The following AMPD3 variants were observed in gnomAD, a reference collection of about 807,000 sequenced individuals.
AMPD3 encodes adenosine monophosphate deaminase 3, also known as AMP deaminase 3.
Under a neutral mutation model 82.3 loss-of-function variants are expected in AMPD3, and 57 were observed. The observed-to-expected ratio is 0.69, with a 90% CI of 0.56 to 0.86. The LOEUF is 0.86. Among genes scored for constraint, AMPD3 ranks in the 40% least tolerant of loss-of-function variants. The pLI is 0.00. For synonymous variants in AMPD3, 381 were observed against 394.7 expected (o/e 0.97, Z 0.41); for missense variants, 870 against 1,003.8 (o/e 0.87, Z 1.80).
At position 10,502,813 on chromosome 11, in the gene AMPD3, GA is replaced by G; in HGVS notation, c.1937del (p.Asn646ThrfsTer3). 6.2e-7 allele frequency: 1 copy of G among 1,614,142 alleles called. No individual in the cohort carries two copies. Among genetic ancestry groups the G allele is most frequent in the South Asian group, 1.1e-5 (1 of 91,074 alleles). On this transcript the variant is annotated frameshift_variant, in exon 13 of 15. Coordinates refer to ENST00000396553, the MANE Select transcript of AMPD3 (RefSeq NM_001025389.2). LOFTEE classifies it high-confidence loss of function. ...ACAGTTTGTTCCTCGAATATTCCAA[GA>G]ACCCTCTGAGGGAATTCCTACACAA... ...NNSLFLEYSKNPLREFLHKGL... is the reference protein window; with the variant it reads ...NNSLFLEYSKXPLREFLHKGL...
At chr11:10,466,266 A>G (rs963988761) in intron 2 of AMPD3, among the ~76,000 whole-genome samples, 1 of 146,044 alleles carries the variant, frequency 6.8e-6, no homozygotes, top group Non-Finnish European at 1.5e-5. Flanking sequence ...CGTCTCAAAG[A>G]AAAAAAAAAA....
chr11:10,477,446 C>T (rs1848773393), intron 2 of AMPD3, among the ~76,000 whole-genome samples: 1 of 152,102 alleles, frequency 6.6e-6, no homozygotes, highest in Admixed American at 6.5e-5. Context: ...GATGGCCTCA[C>T]CTTAATGCTG....
At chr11:10,453,042 C>T (rs143896421), upstream of AMPD3, among the ~76,000 whole-genome samples, 741 of 152,256 alleles carry the variant, frequency 4.9e-3, 4 homozygotes, top group East Asian at 0.041. Flanking sequence ...CTCCACCTCC[C>T]GGGTTCAAGC....
At chr11:10,487,404 C>T (rs377648078) in intron 6 of AMPD3, 40 bp downstream of exon 6, 36 of 1,611,748 alleles carry the variant, frequency 2.2e-5, no homozygotes, top group Non-Finnish European at 2.8e-5. Flanking sequence ...CTCACCCGGT[C>T]CCCCTCCCAG....
intron 2 of AMPD3, among the ~76,000 whole-genome samples, chr11:10,469,637 C>T (rs1848526334): frequency 6.6e-6 from 1 of 152,214 alleles, no homozygotes; most frequent in Non-Finnish European, 1.5e-5. Flanking sequence ...ACCATTCCTT[C>T]TGAAACTATT....
At chr11:10,505,678 A>G in intron 14 of AMPD3, 30 bp from the exon 15 acceptor site, 6 of 1,610,492 alleles carry the variant, frequency 3.7e-6, no homozygotes, top group Non-Finnish European at 2.5e-6. Flanking sequence ...AAAAGTATAT[A>G]GTTTCATTTG....
At chr11:10,485,295 G>T (rs574045674) in intron 5 of AMPD3, among the ~76,000 whole-genome samples, 8 of 152,222 alleles carry the variant, frequency 5.3e-5, no homozygotes, top group South Asian at 2.1e-4. Flanking sequence ...TGCCCAGGCT[G>T]GGGTGCAGTG....
At chr11:10,484,574 C>T (rs1849007644) in intron 4 of AMPD3, 2 of 897,328 alleles carry the variant, frequency 2.2e-6, no homozygotes, top group Non-Finnish European at 2.7e-6. Context: ...AAATTAAAGT[C>T]TCTGCCTGCA....
chr11:10,498,779 G>A (rs926507663), intron 10 of AMPD3, among the ~76,000 whole-genome samples: 5 of 152,220 alleles, frequency 3.3e-5, no homozygotes, highest in African/African-American at 1.2e-4. Context: ...GTGGATTAAG[G>A]GGGACAGTCT....
intron 6 of AMPD3, 61 bp downstream of exon 6, chr11:10,487,425 G>A: frequency 1.9e-6 from 3 of 1,609,166 alleles, no homozygotes; most frequent in South Asian, 1.1e-5. Context: ...CCCATGGGAT[G>A]CCCTGAGCCA....
upstream of AMPD3, chr11:10,451,015 C>T (rs746214559): frequency 1.3e-6 from 2 of 1,580,902 alleles, no homozygotes; most frequent in Admixed American, 3.4e-5. Context: ...CCCTTTCGGC[C>T]GGCGGCATGG....
chr11:10,464,571 G>A (rs148434974), intron 2 of AMPD3, among the ~76,000 whole-genome samples: 306 of 152,232 alleles, frequency 2.0e-3, no homozygotes, highest in African/African-American at 7.0e-3. Flanking sequence ...ATGAAATGGA[G>A]GGAAACTGGT....
intron 2 of AMPD3, among the ~76,000 whole-genome samples, chr11:10,475,913 G>T (rs570470625): frequency 6.6e-6 from 1 of 152,284 alleles, no homozygotes; most frequent in South Asian, 2.1e-4. Context: ...GAACTTGGAA[G>T]TGAATTCCTT....
At chr11:10,480,147 G>A (rs897050998) in intron 3 of AMPD3, among the ~76,000 whole-genome samples, 3 of 152,284 alleles carry the variant, frequency 2.0e-5, no homozygotes, top group African/African-American at 7.2e-5. Context: ...GTGTCTGTGA[G>A]AGGCAGGCTG....
intron 2 of AMPD3, among the ~76,000 whole-genome samples, chr11:10,473,035 C>T (rs910610398): frequency 2.2e-4 from 34 of 151,116 alleles, no homozygotes; most frequent in Middle Eastern, 3.5e-3. Flanking sequence ...ATTGGGAAGC[C>T]GAGGTGGGTG....
In AMPD3 at chr11:10,505,766, T is replaced by C. The variant is rs751685290; in HGVS notation, c.2186T>C (p.Ile729Thr). ...AAAGAAGGACCTGAAGGAAATGATA[T>C]TCGAAAGACAAATGTGGCTCAGATC... is the stretch of plus-strand genomic sequence containing the variant. Reference protein sequence around the residue: ...YYKEGPEGNDIRKTNVAQIRM... With the variant: ...YYKEGPEGNDTRKTNVAQIRM... The change falls in exon 15 of 15, where the codon ATT becomes ACT. Residue 729 changes from isoleucine to threonine, a missense_variant. Ile to Thr is a moderately conservative substitution (Grantham distance 89). Coordinates refer to ENST00000396553, the MANE Select transcript of AMPD3 (RefSeq NM_001025389.2). 6.8e-6 allele frequency: 11 copies of C among 1,614,200 alleles called. No homozygotes were observed. In the Admixed American group the frequency reaches 1.5e-4, roughly 22 times the overall value.
intron 13 of AMPD3, 31 bp from the exon 14 acceptor site, chr11:10,504,518 T>C (rs766030469): frequency 8.8e-6 from 14 of 1,586,542 alleles, no homozygotes; most frequent in Non-Finnish European, 1.2e-5. Context: ...TATCCCCCCT[T>C]CTAATCCACA....
upstream of AMPD3, chr11:10,451,181 C>T (rs1847953511): frequency 6.8e-7 from 1 of 1,471,916 alleles, no homozygotes; most frequent in Non-Finnish European, 9.0e-7. Context: ...GCGCTGACTC[C>T]GGTCCGATCC....
rs149269999 is a variant in AMPD3, at chr11:10,501,607, C to T, written c.1842+17C>T. 3.2e-5 allele frequency: 51 copies of T among 1,614,130 alleles called. No individual in the cohort carries two copies. The highest frequency in any genetic ancestry group is 2.5e-4 in the East Asian group (11 of 44,876). ...CTCAAGAAGGTAACCAGGTCACTCT[C>T]GGGAGCCCGTCCTGAGTGACTGCCC... is the stretch of plus-strand genomic sequence containing the variant. On this transcript the variant is annotated intron_variant, in intron 12 of 14. Transcript: ENST00000396553.
Sources: allele counts gnomAD v4.1 joint callset (sites outside exome capture counted in the v4.1 genomes callset), GRCh38; gene constraint gnomAD v4.1.1; transcripts MANE v1.5; gene names NCBI Gene and HGNC (gene_info 2026-07-23, HGNC 2026-07-21).